The following ZNF85 variants were observed in gnomAD, a reference collection of about 807,000 sequenced individuals.
The protein encoded by ZNF85 is zinc finger protein 85 (HPF4, HTF1).
ZNF85 carries 50 observed loss-of-function variants against 53.9 expected under a neutral mutation model. The ratio of observed to expected loss-of-function variants is 0.93; its 90% CI spans 0.74 to 1.17. ZNF85 has a LOEUF of 1.17. Among genes scored for constraint, ZNF85 ranks in the 50% most tolerant of loss-of-function variants. ZNF85 has a pLI of 0.00. For missense variants in ZNF85, 747 were observed against 688.5 expected (o/e 1.08, Z -0.95); for synonymous variants, 225 against 226.1 (o/e 1.00, Z 0.04).
chr19:20,939,986 T>A (rs1361317483), intron 3 of ZNF85, among the ~76,000 whole-genome samples: 1 of 152,128 alleles, frequency 6.6e-6, no homozygotes, highest in East Asian at 1.9e-4. Flanking sequence ...TGTGAGCCAC[T>A]GTGCCTGACC....
chr19:20,946,282 C>CT, intron 3 of ZNF85: 6 of 387,334 alleles, frequency 1.5e-5, no homozygotes, highest in Admixed American at 3.8e-5. Context: ...GTTAAGACTT[C>CT]TTTTTTTGTC....
chr19:20,949,943 AC>A lies in ZNF85; in HGVS notation c.1430del (p.Thr477LysfsTer26). 6.2e-7 allele frequency: 1 copy of A among 1,612,604 alleles called. No individual in the cohort carries two copies. The highest frequency in any genetic ancestry group is 8.5e-7 in the Non-Finnish European group (1 of 1,179,228). On this transcript the variant is annotated frameshift_variant, in exon 4 of 4. Transcript: ENST00000328178. LOFTEE classifies it high-confidence loss of function. ...SNLTRHKKSH[T>X]EEKPYKCEEC... ...TCTTACTAGACATAAGAAAAGTCAT[AC>A]AGAAGAGAAACCTTACAAATGTGAA...
chr19:20,950,530 G>A lies in ZNF85; in HGVS notation c.*228G>A. On this transcript the variant is annotated 3_prime_UTR_variant, in exon 4 of 4. Coordinates refer to ENST00000328178, the MANE Select transcript of ZNF85 (RefSeq NM_003429.5). ...TAATTCATATTGGAACAAACTACAA[G>A]TGCAAACAATGTGGCAAAACTTAAT... The A allele has an allele frequency of 2.5e-6, 1 of 394,214 alleles. No individual in the cohort carries two copies. Among genetic ancestry groups the A allele is most frequent in the Non-Finnish European group, 4.5e-6 (1 of 224,556 alleles). The allele number at this position is 394,214 out of a possible 1,614,324, so 24.4% of individuals were successfully genotyped here. A position where few individuals can be genotyped will look rare whatever the true frequency, so the allele number is the denominator to read the frequency against.
rs1411941134 is a variant in ZNF85, at chr19:20,948,802, C to A, written c.288C>A (p.Phe96Leu). 1.0e-5 allele frequency: 16 copies of A among 1,607,644 alleles called. No homozygotes were observed. The highest frequency in any genetic ancestry group is 1.7e-4 in the Middle Eastern group (1 of 6,016). Residue 96 changes from phenylalanine to leucine, a missense_variant, in exon 4 of 4, where the codon TTC (phenylalanine) becomes TTA (leucine). Transcript: ENST00000328178. ...CGGAGCAGAATATAAAAGATTCTTTCCAAAAAGTGACACTGAAAAGATATG... is the reference window on the plus strand; with the variant it reads ...CGGAGCAGAATATAAAAGATTCTTTACAAAAAGTGACACTGAAAAGATATG... Reference protein sequence around the residue: ...LWPEQNIKDSFQKVTLKRYGK... With the variant: ...LWPEQNIKDSLQKVTLKRYGK...
At position 20,949,670 on chromosome 19, in the gene ZNF85, A is replaced by AC; in HGVS notation, c.1157dup (p.Thr387TyrfsTer3). ...AGCCTTTAATCATTTCTCACACCTT[A>AC]CTACACATAAGATAATTCATACTGG... On this transcript the variant is annotated frameshift_variant, in exon 4 of 4. Transcript: ENST00000328178. LOFTEE classifies it high-confidence loss of function. 1 of 1,613,404 alleles carries AC rather than the reference A, an allele frequency of 6.2e-7. No individual in the cohort carries two copies. The highest frequency in any genetic ancestry group is 1.7e-4 in the Middle Eastern group (1 of 6,050).
chr19:20,947,190 C>A (rs1973441420), intron 3 of ZNF85, among the ~76,000 whole-genome samples: 1 of 151,676 alleles, frequency 6.6e-6, no homozygotes, highest in South Asian at 2.1e-4. Context: ...TAGTTGTATA[C>A]AAAAAATCTT....
chr19:20,924,418 T>C (rs1972832711), intron 1 of ZNF85, among the ~76,000 whole-genome samples: 1 of 152,162 alleles, frequency 6.6e-6, no homozygotes, highest in African/African-American at 2.4e-5. Context: ...TTAGATTTTT[T>C]TAAAAAGGAG....
intron 3 of ZNF85, chr19:20,946,425 C>A (rs1287798631): frequency 2.9e-6 from 1 of 339,242 alleles, no homozygotes; most frequent in East Asian, 9.5e-5. Context: ...TTACCTGTTG[C>A]CTTCTAATAT....
chr19:20,937,176 C>T (rs139578219), intron 3 of ZNF85: 3 of 359,692 alleles, frequency 8.3e-6, no homozygotes, highest in African/African-American at 4.3e-5. Flanking sequence ...TGACTAAAGC[C>T]GTGCACCACA....
chr19:20,931,554 C>T (rs111720319), intron 1 of ZNF85, among the ~76,000 whole-genome samples: 1,805 of 151,154 alleles, frequency 0.012, 32 homozygotes, highest in African/African-American at 0.035. Context: ...GGCCGCAGGA[C>T]TGTTTCTGTT....
At chr19:20,934,407 A>AAT (rs112178187) in intron 2 of ZNF85, among the ~76,000 whole-genome samples, 1,799 of 152,232 alleles carry the variant, frequency 0.012, 31 homozygotes, top group African/African-American at 0.034. Context: ...AATGGCATAA[A>AAT]ATTTTTGCCC....
At chr19:20,940,533 T>C (rs1027496724) in intron 3 of ZNF85, among the ~76,000 whole-genome samples, 1 of 128,226 alleles carries the variant, frequency 7.8e-6, no homozygotes, top group Non-Finnish European at 1.8e-5. Context: ...TGAGACCCTG[T>C]CTCCAAAAAA....
rs970912857 is a variant in ZNF85 at position 20,950,592 on chromosome 19, A to C, written c.*290A>C. The C allele has an allele frequency of 3.9e-6, 1 of 258,946 alleles. No individual in the cohort carries two copies. The highest frequency in any genetic ancestry group is 7.2e-6 in the Non-Finnish European group (1 of 138,326). The allele number at this position is 258,946 out of a possible 1,614,324, so 16.0% of individuals were successfully genotyped here. A position where few individuals can be genotyped will look rare whatever the true frequency, so the allele number is the denominator to read the frequency against. On this transcript the variant is annotated 3_prime_UTR_variant, in exon 4 of 4. Coordinates refer to ENST00000328178, the MANE Select transcript of ZNF85 (RefSeq NM_003429.5). ...CCTTACTGCACAGAAAAGAATTTTT[A>C]GTTGAGAAAAAGTATACAAATATAA... is the stretch of plus-strand genomic sequence containing the variant.
At chr19:20,943,378 G>T (rs1973345779) in intron 3 of ZNF85, 1 of 152,238 alleles carries the variant, frequency 6.6e-6, no homozygotes, top group Non-Finnish European at 1.5e-5. Context: ...TCAGATGAGA[G>T]CTGCCTCATT....
intron 1 of ZNF85, among the ~76,000 whole-genome samples, chr19:20,931,420 TA>T (rs776046282): frequency 1.3e-5 from 2 of 152,078 alleles, no homozygotes; most frequent in African/African-American, 2.4e-5. Context: ...TTTATTGTTC[TA>T]GGGGGAAGCA....
chr19:20,950,097 A>G lies in ZNF85; in HGVS notation c.1583A>G (p.His528Arg), dbSNP rs778421174. 2 of 1,613,470 alleles carry G rather than the reference A, an allele frequency of 1.2e-6. No homozygotes were observed. Among genetic ancestry groups the G allele is most frequent in the African/African-American group, 1.3e-5 (1 of 75,010 alleles). The part of the protein sequence containing the change: ...AFNQSSKLTK[H>R]KKIHTGEKPY... ...AACCAATCCTCAAAACTTACCAAAC[A>G]TAAGAAAATTCATACTGGAGAGAAA... Residue 528 changes from histidine (H) to arginine (R), a missense_variant, in exon 4 of 4, where the codon CAT (histidine) becomes CGT (arginine). His to Arg is a conservative substitution (Grantham distance 29, BLOSUM62 0). Transcript: ENST00000328178.
In ZNF85 at chr19:20,946,833, C is replaced by T. The variant is rs559008804; in HGVS notation, c.230-1911C>T. Among the ~76,000 whole-genome samples the T allele has an allele frequency of 5.3e-5, 8 of 151,930 alleles. No homozygotes were observed. In the South Asian group the frequency reaches 8.3e-4, roughly 16 times the overall value. On this transcript the variant is annotated intron_variant, in intron 3 of 3. Transcript: ENST00000328178. ...TTTCAGTCTTTCTTTATCATTAGAT[C>T]GCAACTGACTCTTGTAGAAAGGCAA...
chr19:20,943,675 T>C (rs996784311), intron 3 of ZNF85: 7 of 152,242 alleles, frequency 4.6e-5, no homozygotes, highest in Non-Finnish European at 8.8e-5. Flanking sequence ...TTTCTATTTA[T>C]TATTAAAAAT....
At chr19:20,933,750 A>G (rs1366685445) in intron 1 of ZNF85, among the ~76,000 whole-genome samples, 2 of 152,200 alleles carry the variant, frequency 1.3e-5, no homozygotes, top group Non-Finnish European at 1.5e-5. Context: ...TATCATCCAG[A>G]AAAGTATCAT....
Sources: allele counts gnomAD v4.1 joint callset (sites outside exome capture counted in the v4.1 genomes callset), GRCh38; gene constraint gnomAD v4.1.1; transcripts MANE v1.5; gene names NCBI Gene and HGNC (gene_info 2026-07-23, HGNC 2026-07-21).